CNTNAP3: variants seen among roughly 807,000 people sequenced by gnomAD.
The protein encoded by CNTNAP3 is contactin associated protein family member 3, also known as contactin-associated protein-like 3.
Under a neutral mutation model 92.1 loss-of-function variants are expected in CNTNAP3, and 36 were observed. That is an observed-to-expected ratio of 0.39 (90% CI 0.30 to 0.52). The LOEUF (loss-of-function observed/expected upper bound fraction) is 0.52, where lower values mean the gene tolerates loss of function less well. Ranked by LOEUF, CNTNAP3 falls within the 20% of genes least tolerant of loss-of-function variation. The pLI is 0.76. For missense variants in CNTNAP3, 534 were observed against 1,069.6 expected (o/e 0.50, Z 6.98); for synonymous variants, 232 against 422.3 (o/e 0.55, Z 5.53).
At chr9:39,096,434 T>C (rs1011439955) in intron 18 of CNTNAP3, among the ~76,000 whole-genome samples, 2 of 152,090 alleles carry the variant, frequency 1.3e-5, no homozygotes, top group African/African-American at 2.4e-5. Flanking sequence ...GAATACCTAA[T>C]AGTTGTACGT....
intron 9 of CNTNAP3, among the ~76,000 whole-genome samples, chr9:39,165,666 AT>A (rs199586915): frequency 0.027 from 3,508 of 127,578 alleles, 118 homozygotes; most frequent in East Asian, 0.088. Flanking sequence ...TGTAGCTCAA[AT>A]ATATTTTTCT....
In CNTNAP3 at chr9:39,067,666, G is replaced by A. The variant is rs1825539227; in HGVS notation, c.*6224C>T. On this transcript the variant is annotated 3_prime_UTR_variant, in exon 24 of 24. Transcript: ENST00000297668. ...CTGCCTCGACCTCCCAAAGTGCTGGGATTACAGGCATGAGCCACTGTGCCC... is the reference window on the plus strand; with the variant it reads ...CTGCCTCGACCTCCCAAAGTGCTGGAATTACAGGCATGAGCCACTGTGCCC... Among the ~76,000 whole-genome samples, 1 of 152,312 alleles carries A rather than the reference G, an allele frequency of 6.6e-6. No individual in the cohort carries two copies. Among genetic ancestry groups the A allele is most frequent in the Admixed American group, 6.5e-5 (1 of 15,294 alleles).
chr9:39,122,145 G>A (rs577245161), intron 13 of CNTNAP3, among the ~76,000 whole-genome samples: 32 of 152,260 alleles, frequency 2.1e-4, no homozygotes, highest in African/African-American at 7.0e-4. Flanking sequence ...ATGAGGTCAG[G>A]AGATCGAGAC....
intron 18 of CNTNAP3, among the ~76,000 whole-genome samples, chr9:39,089,612 CCAA>C (rs1336741397): frequency 6.6e-5 from 10 of 152,048 alleles, no homozygotes; most frequent in Non-Finnish European, 1.5e-5. Context: ...TATGATAACA[CCAA>C]CTTTAAAATT....
At chr9:39,137,427 T>C (rs1821466022) in intron 12 of CNTNAP3, among the ~76,000 whole-genome samples, 1 of 152,176 alleles carries the variant, frequency 6.6e-6, no homozygotes, top group Non-Finnish European at 1.5e-5. Flanking sequence ...CCATTACAGC[T>C]TTTTCCATAT....
At chr9:39,099,363 T>A (rs974316241) in intron 18 of CNTNAP3, among the ~76,000 whole-genome samples, 2 of 152,196 alleles carry the variant, frequency 1.3e-5, no homozygotes, top group African/African-American at 4.8e-5. Context: ...GTGATCCTGT[T>A]AATGACTGTC....
At chr9:39,115,708 A>G (rs1291465329) in intron 14 of CNTNAP3, among the ~76,000 whole-genome samples, 1 of 152,050 alleles carries the variant, frequency 6.6e-6, no homozygotes, top group East Asian at 1.9e-4. Context: ...TCCAAATGAA[A>G]GCCCAGGGCT....
chr9:39,127,504 A>G (rs1325587991), intron 13 of CNTNAP3, among the ~76,000 whole-genome samples: 1 of 152,176 alleles, frequency 6.6e-6, no homozygotes, highest in East Asian at 1.9e-4. Context: ...AAAAAACAGT[A>G]AGATTGAAAA....
At chr9:39,108,545 G>A (rs1412945227) in intron 15 of CNTNAP3, among the ~76,000 whole-genome samples, 1 of 152,098 alleles carries the variant, frequency 6.6e-6, no homozygotes, top group African/African-American at 2.4e-5. Context: ...GATGCTAGTG[G>A]GTAAGAAACA....
chr9:39,088,122 T>G (rs538836836), intron 19 of CNTNAP3, among the ~76,000 whole-genome samples: 1 of 152,200 alleles, frequency 6.6e-6, no homozygotes, highest in African/African-American at 2.4e-5. Context: ...CAAAATGAAC[T>G]GCAAAACCAA....
chr9:39,148,010 C>T (rs966174012), intron 10 of CNTNAP3, among the ~76,000 whole-genome samples: 126 of 152,218 alleles, frequency 8.3e-4, no homozygotes, highest in Non-Finnish European at 1.3e-3. Flanking sequence ...ACAGTGTGGG[C>T]CCATGGGACA....
rs1164746048 is a variant in CNTNAP3 at position 39,065,960 on chromosome 9, T to G, written c.*7930A>C. Among the ~76,000 whole-genome samples, 19 of 152,240 alleles carry G rather than the reference T, an allele frequency of 1.2e-4. No individual in the cohort carries two copies. Among genetic ancestry groups the G allele is most frequent in the Non-Finnish European group, 2.8e-4 (19 of 68,030 alleles). On this transcript the variant is annotated 3_prime_UTR_variant, in exon 24 of 24. Transcript: ENST00000297668. ...ATTTTAAAAGGAGAGTTGTTAATCT[T>G]AAGGTCAAATTTATCAGATTTTTAT...
At position 39,114,835 on chromosome 9, in the gene CNTNAP3, G is replaced by A. The variant is rs555236505; in HGVS notation, c.2237+3268C>T. Among the ~76,000 whole-genome samples, 494 of 151,472 alleles carry A rather than the reference G, an allele frequency of 3.3e-3. 5 individuals are homozygous for A. Among genetic ancestry groups the A allele is most frequent in the African/African-American group, 0.011 (459 of 41,272 alleles). On this transcript the variant is annotated intron_variant, in intron 14 of 23. Coordinates refer to ENST00000297668, the MANE Select transcript of CNTNAP3 (RefSeq NM_033655.5). ...AAGTAAAATAATATTACAGTTACAT[G>A]TGTCATCATTATATTAGCAAAACAA...
chr9:39,174,606 T>C (rs1822299589), intron 7 of CNTNAP3: 3 of 675,756 alleles, frequency 4.4e-6, no homozygotes. Context: ...CATGATGTGC[T>C]GCTGAGATAC....
intron 21 of CNTNAP3, among the ~76,000 whole-genome samples, chr9:39,081,922 C>CA (rs760745244): frequency 0.062 from 7,662 of 123,656 alleles, 577 homozygotes; most frequent in African/African-American, 0.19. Context: ...ACTAAAAATA[C>CA]AAAAAAAAAA....
At chr9:39,121,696 G>C (rs1325174922) in intron 13 of CNTNAP3, among the ~76,000 whole-genome samples, 10 of 152,090 alleles carry the variant, frequency 6.6e-5, no homozygotes, top group Non-Finnish European at 1.5e-4. Context: ...ATAGGCCTTA[G>C]AGGGTCAACA....
chr9:39,136,130 A>T (rs999160351), intron 12 of CNTNAP3, among the ~76,000 whole-genome samples: 12 of 144,926 alleles, frequency 8.3e-5, no homozygotes, highest in Non-Finnish European at 1.4e-4. Context: ...CTCTGTCTCA[A>T]AATAATAATA....
intron 18 of CNTNAP3, among the ~76,000 whole-genome samples, chr9:39,093,191 A>G (rs1175543989): frequency 8.6e-6 from 1 of 115,722 alleles, no homozygotes; most frequent in Non-Finnish European, 1.8e-5. Flanking sequence ...GGGTTGCTCA[A>G]TCGATGAACA....
chr9:39,154,848 A>G, intron 9 of CNTNAP3: 1 of 223,388 alleles, frequency 4.5e-6, no homozygotes, highest in Non-Finnish European at 9.0e-6. Flanking sequence ...GAGCACCTGC[A>G]GGGGCTGCGA....
Sources: gnomAD v4.1 joint callset for allele counts (sites outside exome capture counted in the v4.1 genomes callset) on GRCh38, gnomAD v4.1.1 for gene constraint, MANE v1.5 for transcripts, NCBI Gene and HGNC (gene_info 2026-07-23, HGNC 2026-07-21) for gene names.